The following FAAH2 variants were observed in gnomAD, a reference collection of about 807,000 sequenced individuals.
FAAH2 encodes the protein fatty acid amide hydrolase 2, also known as fatty-acid amide hydrolase 2.
In FAAH2, 60 loss-of-function variants were observed where a neutral mutation model predicts 36.9. The ratio of observed to expected loss-of-function variants is 1.63; its 90% CI spans 1.32 to 2.02. The LOEUF (loss-of-function observed/expected upper bound fraction) is 2.02, where lower values mean the gene tolerates loss of function less well. FAAH2 is among the 30% of genes most tolerant of loss of function. FAAH2 has a pLI of 0.00. For synonymous variants in FAAH2, 214 were observed against 143.8 expected (o/e 1.49, Z -3.49); for missense variants, 689 against 397.5 (o/e 1.73, Z -6.23).
chrX:57,375,295 T>A (rs72621729), intron 5 of FAAH2, among the ~76,000 whole-genome samples: 1 of 109,168 alleles, frequency 9.2e-6, no homozygotes, highest in East Asian at 2.9e-4. Context: ...TCAATAGGAT[T>A]GGTACCAATT....
At chrX:57,165,965 C>T in the FAAH2 span, among the ~76,000 whole-genome samples, 236 of 110,903 alleles carry the variant, frequency 2.1e-3, no homozygotes, top group Non-Finnish European at 3.4e-3. Context: ...AAGACTCTGG[C>T]AGACACAAAT....
chrX:57,121,804 C>G, the FAAH2 span: 1 of 112,912 alleles, frequency 8.9e-6, no homozygotes, highest in Non-Finnish European at 1.9e-5. Context: ...GCCTGCCCTG[C>G]TTTCCATCTT....
intron 4 of FAAH2, among the ~76,000 whole-genome samples, chrX:57,336,213 G>A (rs746402538): frequency 6.7e-4 from 74 of 110,716 alleles, no homozygotes; most frequent in Non-Finnish European, 1.2e-3. Flanking sequence ...CTCCTGGCTC[G>A]TTCTGGCTCA....
chrX:57,349,395 G>T (rs1253941991), intron 5 of FAAH2, among the ~76,000 whole-genome samples: 1 of 89,573 alleles, frequency 1.1e-5, no homozygotes, highest in Non-Finnish European at 2.1e-5. Flanking sequence ...TAATATATAT[G>T]TATATATGTG....
At chrX:57,234,566 C>T in the FAAH2 span, among the ~76,000 whole-genome samples, 2 of 111,774 alleles carry the variant, frequency 1.8e-5, no homozygotes, top group African/African-American at 6.5e-5. Context: ...TGCAACTGGA[C>T]AGTCCCATCT....
At chrX:57,267,217 G>T in the FAAH2 span, among the ~76,000 whole-genome samples, 2 of 112,458 alleles carry the variant, frequency 1.8e-5, no homozygotes, top group African/African-American at 6.5e-5. Context: ...TTTTTCTGGT[G>T]CATGTCTGCA....
intron 10 of FAAH2, among the ~76,000 whole-genome samples, chrX:57,470,520 C>G (rs1388726661): frequency 9.0e-6 from 1 of 111,290 alleles, no homozygotes; most frequent in Non-Finnish European, 1.9e-5. Context: ...AATTTCTGGA[C>G]ACATACACCC....
chrX:57,292,602 A>G, intron 2 of FAAH2, 22 bp downstream of exon 2: 3 of 1,169,129 alleles, frequency 2.6e-6, no homozygotes, highest in Non-Finnish European at 3.5e-6. Context: ...CACTCTCTCA[A>G]GGAGTCATTT....
At chrX:57,277,055 ATCC>A in the FAAH2 span, among the ~76,000 whole-genome samples, 1 of 111,480 alleles carries the variant, frequency 9.0e-6, no homozygotes, top group Non-Finnish European at 1.9e-5. Context: ...AAAAGAGAAA[ATCC>A]TCCCTGTCTC....
chrX:57,291,631 T>C (rs936367801), intron 1 of FAAH2, among the ~76,000 whole-genome samples: 2 of 111,932 alleles, frequency 1.8e-5, no homozygotes, highest in African/African-American at 6.5e-5. Context: ...TTGCTTTTTC[T>C]TTTCCTTTCC....
Position 57,301,639 on chromosome X carries a change from TAATAAAAG to T in FAAH2, c.276-8951_276-8944del, listed in dbSNP as rs2052375840. On this transcript the variant is annotated intron_variant, in intron 2 of 10. Transcript: ENST00000374900. ...ATAATAATAATAATAATAATAATAA[TAATAAAAG>T]AAATATCTTCACATAAAATCTAATA... Among the ~76,000 whole-genome samples, 9 of 69,291 alleles carry T rather than the reference TAATAAAAG, an allele frequency of 1.3e-4. No homozygotes were observed. In the South Asian group the frequency reaches 5.9e-3, roughly 45 times the overall value. 60.2% of individuals were successfully genotyped at this position (69,291 alleles called of 115,157 possible). A position where few individuals can be genotyped will look rare whatever the true frequency, so the allele number is the denominator to read the frequency against.
At chrX:57,393,977 G>A in intron 7 of FAAH2, 1 of 786,358 alleles carries the variant, frequency 1.3e-6, no homozygotes, top group Non-Finnish European at 2.0e-6. Flanking sequence ...GTGGATATCA[G>A]AGAACTTTCT....
At chrX:57,221,107 C>T in the FAAH2 span, among the ~76,000 whole-genome samples, 1 of 111,106 alleles carries the variant, frequency 9.0e-6, no homozygotes, top group African/African-American at 3.3e-5. Context: ...CTCCAAACCT[C>T]GAGTCCCCCC....
At chrX:57,321,121 C>T (rs1325306282) in intron 3 of FAAH2, among the ~76,000 whole-genome samples, 2 of 100,808 alleles carry the variant, frequency 2.0e-5, no homozygotes, top group African/African-American at 3.9e-5. Flanking sequence ...GCCTGGGTGA[C>T]AGAGCGAGAC....
intron 10 of FAAH2, among the ~76,000 whole-genome samples, chrX:57,477,877 G>T (rs761033297): frequency 9.0e-6 from 1 of 111,707 alleles, no homozygotes; most frequent in Non-Finnish European, 1.9e-5. Flanking sequence ...TTTTCTTAAT[G>T]CAGTCTATCA....
chrX:57,482,394 G>T (rs544095670), intron 10 of FAAH2, among the ~76,000 whole-genome samples: 1 of 111,728 alleles, frequency 9.0e-6, no homozygotes, highest in African/African-American at 3.2e-5. Context: ...AGGTACACAA[G>T]GGAATCTTCT....
intron 10 of FAAH2, among the ~76,000 whole-genome samples, chrX:57,451,313 T>C (rs930839915): frequency 2.7e-5 from 3 of 111,882 alleles, no homozygotes; most frequent in African/African-American, 9.7e-5. Flanking sequence ...CCTCACTTAG[T>C]GCTCAGTGAA....
chrX:57,365,742 T>TAGGA (rs2054397357), intron 5 of FAAH2, among the ~76,000 whole-genome samples: 1 of 111,940 alleles, frequency 8.9e-6, no homozygotes, highest in African/African-American at 3.2e-5. Flanking sequence ...TCTCAGAGCT[T>TAGGA]TTGTTCATTT....
intron 10 of FAAH2, among the ~76,000 whole-genome samples, chrX:57,468,209 C>A (rs764486492): frequency 8.9e-6 from 1 of 111,796 alleles, no homozygotes; most frequent in Non-Finnish European, 1.9e-5. Flanking sequence ...TCCAAAGGAA[C>A]GCAGCTCCTC....
Sources: allele counts gnomAD v4.1 joint callset (sites outside exome capture counted in the v4.1 genomes callset), GRCh38; gene constraint gnomAD v4.1.1; transcripts MANE v1.5; gene names NCBI Gene and HGNC (gene_info 2026-07-23, HGNC 2026-07-21).